Variants in STX12 observed in about 807,000 individuals in gnomAD.
The protein encoded by STX12 is syntaxin-12.
STX12 carries 17 observed loss-of-function variants against 42.2 expected under a neutral mutation model. The observed-to-expected ratio is 0.40, with a 90% CI of 0.28 to 0.60. The LOEUF is 0.60. Among genes scored for constraint, STX12 ranks in the 20% least tolerant of loss-of-function variants. The pLI is 0.39. For missense variants in STX12, 297 were observed against 330.9 expected, an observed-to-expected ratio of 0.90 and a Z score of 0.79; for synonymous variants, 108 against 116.7, an observed-to-expected ratio of 0.93 and a Z score of 0.48.
chr1:27,806,521 T>C (rs1055459158), intron 4 of STX12, among the ~76,000 whole-genome samples: 7 of 152,154 alleles, frequency 4.6e-5, no homozygotes, highest in African/African-American at 2.4e-5. Context: ...CAATACAGAA[T>C]AGTAGAAAGA....
intron 4 of STX12, among the ~76,000 whole-genome samples, chr1:27,803,915 C>T (rs1261642949): frequency 1.3e-5 from 2 of 151,948 alleles, no homozygotes; most frequent in Admixed American, 6.6e-5. Context: ...GCAGGAGAAT[C>T]GCTTGAACCA....
At chr1:27,784,738 G>T (rs1432710042) in intron 1 of STX12, among the ~76,000 whole-genome samples, 2 of 152,100 alleles carry the variant, frequency 1.3e-5, no homozygotes, top group Non-Finnish European at 2.9e-5. Flanking sequence ...AGTAAACTAC[G>T]ACACTGTTGT....
At chr1:27,782,452 TG>T (rs1030359817) in intron 1 of STX12, among the ~76,000 whole-genome samples, 2 of 152,186 alleles carry the variant, frequency 1.3e-5, no homozygotes, top group Admixed American at 6.5e-5. Context: ...ATTCTGAAAC[TG>T]GTATGGTTAA....
chr1:27,810,000 C>T (rs987208996), intron 4 of STX12: 14 of 352,298 alleles, frequency 4.0e-5, no homozygotes, highest in Non-Finnish European at 5.6e-5. Context: ...CTTTCTCCTA[C>T]GCATATTATT....
intron 3 of STX12, among the ~76,000 whole-genome samples, chr1:27,794,715 A>T (rs1571522830): frequency 1.3e-5 from 2 of 152,032 alleles, no homozygotes; most frequent in African/African-American, 4.8e-5. Context: ...CTTAACTTGT[A>T]TTGCTTTTTA....
chr1:27,812,700 C>T (rs1405597007), intron 6 of STX12, among the ~76,000 whole-genome samples: 1 of 152,132 alleles, frequency 6.6e-6, no homozygotes, highest in African/African-American at 2.4e-5. Context: ...ATCGGCCTCC[C>T]AAAGTGCTGG....
intron 4 of STX12, among the ~76,000 whole-genome samples, chr1:27,806,384 A>G (rs945949379): frequency 1.3e-5 from 2 of 152,226 alleles, no homozygotes; most frequent in Admixed American, 6.5e-5. Flanking sequence ...TTGAATAAGT[A>G]AAAATGGTAT....
rs770240362 is a variant in STX12 at position 27,810,299 on chromosome 1, T to G, written c.470+10T>G. ...TGGTCTCATTTGACAGGTAATAGAA[T>G]TATTCATACAACCTGCTGGATAGTT... On this transcript the variant is annotated intron_variant, in intron 5 of 8. Coordinates refer to ENST00000373943, the MANE Select transcript of STX12 (RefSeq NM_177424.3). The G allele has an allele frequency of 6.2e-7, 1 of 1,610,250 alleles. No homozygotes were observed. Among genetic ancestry groups the G allele is most frequent in the Non-Finnish European group, 8.5e-7 (1 of 1,176,956 alleles).
chr1:27,782,988 T>A (rs1225223465), intron 1 of STX12, among the ~76,000 whole-genome samples: 2 of 152,194 alleles, frequency 1.3e-5, no homozygotes, highest in African/African-American at 4.8e-5. Flanking sequence ...GTAAATAATG[T>A]TTTTTTGTTG....
intron 4 of STX12, among the ~76,000 whole-genome samples, chr1:27,806,111 T>G (rs921975494): frequency 6.6e-6 from 1 of 152,202 alleles, no homozygotes. Context: ...TTCCATCAGT[T>G]TCACCAGAAA....
intron 4 of STX12, among the ~76,000 whole-genome samples, chr1:27,804,538 G>A (rs1002873460): frequency 2.6e-5 from 4 of 151,522 alleles, no homozygotes; most frequent in African/African-American, 4.9e-5. Flanking sequence ...GAAGCTGGGC[G>A]TGGTGGCTCA....
At chr1:27,774,538 TTGTAGA>T (rs1286156262) in intron 1 of STX12, among the ~76,000 whole-genome samples, 1 of 152,156 alleles carries the variant, frequency 6.6e-6, no homozygotes, top group African/African-American at 2.4e-5. Context: ...TTTTTCTTTT[TTGTAGA>T]GATGAAGTCT....
rs767645722 is a variant in STX12 at position 27,801,831 on chromosome 1, AAAG to A, written c.426+21_426+23del. The A allele has an allele frequency of 6.4e-7, 1 of 1,568,500 alleles. No individual in the cohort carries two copies. The highest frequency in any genetic ancestry group is 8.6e-7 in the Non-Finnish European group (1 of 1,166,228). ...TCGTCTTTCTGTAAGTTGATTCCCAAAAGAAGACCTTTGCAATATCAGAATGTT... is the reference window on the plus strand; with the variant it reads ...TCGTCTTTCTGTAAGTTGATTCCCAAAAGACCTTTGCAATATCAGAATGTT... On this transcript the variant is annotated intron_variant, in intron 4 of 8. Transcript: ENST00000373943.
In STX12 at chr1:27,811,246, G is replaced by C. The variant is rs555106555; in HGVS notation, c.471-917G>C. Among the ~76,000 whole-genome samples the C allele has an allele frequency of 9.0e-4, 135 of 149,594 alleles. No homozygotes were observed. The South Asian group carries it at 0.014, about 15-fold the overall frequency. ...AGGCAGGAGAATCTCTTGAACCCGG[G>C]GGGCGGAGTGAAGTAAGCGCCACTT... On this transcript the variant is annotated intron_variant, in intron 5 of 8. Transcript: ENST00000373943.
chr1:27,804,941 A>G (rs1008997448), intron 4 of STX12, among the ~76,000 whole-genome samples: 1 of 152,182 alleles, frequency 6.6e-6, no homozygotes, highest in Non-Finnish European at 1.5e-5. Context: ...GGCCTCAGGA[A>G]ACTTACAGTC....
At chr1:27,799,018 A>G (rs2088808947) in intron 3 of STX12, among the ~76,000 whole-genome samples, 1 of 151,988 alleles carries the variant, frequency 6.6e-6, no homozygotes, top group Admixed American at 6.6e-5. Context: ...TTTATGATGT[A>G]TTTAAAAGTT....
At chr1:27,791,368 C>T (rs1234327771) in intron 2 of STX12, among the ~76,000 whole-genome samples, 2 of 152,192 alleles carry the variant, frequency 1.3e-5, no homozygotes, top group Admixed American at 6.5e-5. Context: ...ACCAATCCCC[C>T]GTGGATACTG....
chr1:27,776,077 TGAAAA>T (rs1339626415), intron 1 of STX12, among the ~76,000 whole-genome samples: 3 of 151,932 alleles, frequency 2.0e-5, no homozygotes, highest in Non-Finnish European at 2.9e-5. Flanking sequence ...GCTGTGAAAA[TGAAAA>T]GAAAGGAAAG....
chr1:27,789,655 G>T, intron 2 of STX12, 24 bp downstream of exon 2: 1 of 1,603,850 alleles, frequency 6.2e-7, no homozygotes, highest in South Asian at 1.1e-5. Flanking sequence ...TGACAAGGTT[G>T]GGTTTTGTGA....
Sources: allele counts gnomAD v4.1 joint callset (sites outside exome capture counted in the v4.1 genomes callset), GRCh38; gene constraint gnomAD v4.1.1; transcripts MANE v1.5; gene names NCBI Gene and HGNC (gene_info 2026-07-23, HGNC 2026-07-21).